Variants in RTN4R observed in about 807,000 individuals in gnomAD.
The protein encoded by RTN4R is reticulon-4 receptor.
A neutral mutation model predicts 27.7 loss-of-function variants in RTN4R; 4 were observed. The observed-to-expected ratio is 0.14, with a 90% CI of 0.07 to 0.33. RTN4R has a LOEUF of 0.33. Ranked by LOEUF, RTN4R falls within the 10% of genes least tolerant of loss-of-function variation. The pLI, the probability that RTN4R is intolerant of heterozygous loss-of-function variation, is 1.00. For missense variants in RTN4R, 554 were observed against 671.5 expected (o/e 0.83, Z 1.93); for synonymous variants, 290 against 305.6 (o/e 0.95, Z 0.53).
chr22:20,244,054 A>G (rs2051126019), intron 1 of RTN4R, among the ~76,000 whole-genome samples: 2 of 151,820 alleles, frequency 1.3e-5, no homozygotes, highest in African/African-American at 4.8e-5. Flanking sequence ...TTGAGCCCCC[A>G]CCCCTTTGGA....
intron 1 of RTN4R, among the ~76,000 whole-genome samples, chr22:20,265,974 G>A (rs1264559412): frequency 6.6e-6 from 1 of 152,226 alleles, no homozygotes; most frequent in African/African-American, 2.4e-5. Context: ...CCAGCAGGTG[G>A]CTGAGCCAGG....
intron 1 of RTN4R, among the ~76,000 whole-genome samples, chr22:20,259,662 GTTAGGGGACACTGGAGCCTCCT>G (rs1317592307): frequency 6.6e-6 from 1 of 152,186 alleles, no homozygotes; most frequent in African/African-American, 2.4e-5. Flanking sequence ...CTGGGCTTCT[GTTAGGGGACACTGGAGCCTCCT>G]CAGCCCCCAG....
In RTN4R at chr22:20,242,190, G is replaced by T. The variant is rs1159867654; in HGVS notation, c.943C>A (p.Pro315Thr). Residue 315 changes from proline to threonine, a missense_variant, in exon 2 of 2, where the codon CCT (proline) becomes ACT (threonine). Physicochemically the swap from Pro to Thr is conservative, Grantham distance 38 (BLOSUM62 -1). Transcript: ENST00000043402. ...DLQGCAVATG[P>T]YHPIWTGRAT... ...CTGCCGGTCCAGATGGGATGGTAAG[G>T]GCCGGTGGCCACAGCGCAGCCCTGC... 1 of 1,610,832 alleles carries T rather than the reference G, an allele frequency of 6.2e-7. No individual in the cohort carries two copies. Among genetic ancestry groups the T allele is most frequent in the East Asian group, 2.2e-5 (1 of 44,764 alleles).
At chr22:20,263,913 G>A (rs1257964255) in intron 1 of RTN4R, among the ~76,000 whole-genome samples, 1 of 152,262 alleles carries the variant, frequency 6.6e-6, no homozygotes, top group African/African-American at 2.4e-5. Flanking sequence ...ACCAGAGGCT[G>A]TATGAAAGAG....
intron 1 of RTN4R, among the ~76,000 whole-genome samples, chr22:20,258,345 C>T (rs773247611): frequency 4.1e-4 from 63 of 152,306 alleles, no homozygotes; most frequent in Middle Eastern, 3.4e-3. Context: ...CCTAAGGAGG[C>T]TGGCCCCTTC....
chr22:20,265,579 G>C (rs1203919175), intron 1 of RTN4R, among the ~76,000 whole-genome samples: 1 of 152,220 alleles, frequency 6.6e-6, no homozygotes, highest in Non-Finnish European at 1.5e-5. Context: ...CCCAGGTGAG[G>C]AACAGGGGGA....
chr22:20,256,583 CT>C (rs894509693), intron 1 of RTN4R, among the ~76,000 whole-genome samples: 3 of 152,360 alleles, frequency 2.0e-5, no homozygotes, highest in Admixed American at 2.0e-4. Flanking sequence ...AGGGCAGCCC[CT>C]GGGCCAGGCC....
At chr22:20,267,829 C>A (rs577112462) in intron 1 of RTN4R, 105 of 356,172 alleles carry the variant, frequency 2.9e-4, no homozygotes, top group South Asian at 2.6e-3. Context: ...CTCGGCCCTG[C>A]CGAAGCCGTC....
chr22:20,249,722 T>C (rs1051350001), intron 1 of RTN4R, among the ~76,000 whole-genome samples: 2 of 152,172 alleles, frequency 1.3e-5, no homozygotes, highest in Non-Finnish European at 2.9e-5. Flanking sequence ...TGCATGCCGC[T>C]GCGGCAGAGG....
chr22:20,258,369 C>T (rs972270052), intron 1 of RTN4R, among the ~76,000 whole-genome samples: 6 of 152,234 alleles, frequency 3.9e-5, no homozygotes, highest in African/African-American at 1.4e-4. Flanking sequence ...ATCCCTTCCT[C>T]GTCTGCACCA....
Position 20,242,682 on chromosome 22 carries a change from G to T in RTN4R, c.451C>A (p.Arg151Ser), listed in dbSNP as rs145836501. 45 of 1,612,426 alleles carry T rather than the reference G, an allele frequency of 2.8e-5. No homozygotes were observed. In the African/African-American group the frequency reaches 5.6e-4, roughly 20 times the overall value. The change falls in exon 2 of 2, where the codon CGC becomes AGC. Residue 151 changes from arginine to serine, a missense_variant. Coordinates refer to ENST00000043402, the MANE Select transcript of RTN4R (RefSeq NM_023004.6). ...GLQELGPGLF[R>S]GLAALQYLYL... is the part of the protein sequence containing the mutation. Reference sequence around the variant, plus strand: ...AGGTACTGCAGGGCAGCCAGGCCGCGGAACAGCCCCGGGCCCAGCTCCTGC... The same window carrying T: ...AGGTACTGCAGGGCAGCCAGGCCGCTGAACAGCCCCGGGCCCAGCTCCTGC...
Position 20,242,496 on chromosome 22 carries a change from G to C in RTN4R, c.637C>G (p.Arg213Gly). ...GCATGCGGGTGCACATGGGCCACGCGGTTCTGGTGCAGTAGGAGACGGTCG... is the reference window on the plus strand; with the variant it reads ...GCATGCGGGTGCACATGGGCCACGCCGTTCTGGTGCAGTAGGAGACGGTCG... ...SLDRLLLHQN[R>G]VAHVHPHAFR... Residue 213 changes from arginine (R) to glycine (G), a missense_variant, in exon 2 of 2, where the codon CGC becomes GGC. Around this residue, in one of 2 missense-constraint regions of RTN4R, gnomAD observed 413 missense variants for 542.3 expected, o/e 0.76. Transcript: ENST00000043402. The C allele has an allele frequency of 1.9e-6, 3 of 1,613,772 alleles. No homozygotes were observed. Among genetic ancestry groups the C allele is most frequent in the Non-Finnish European group, 2.5e-6 (3 of 1,179,992 alleles).
At chr22:20,244,233 G>A (rs1340670641) in intron 1 of RTN4R, among the ~76,000 whole-genome samples, 2 of 152,256 alleles carry the variant, frequency 1.3e-5, no homozygotes, top group East Asian at 1.9e-4. Context: ...ACATGAGGCC[G>A]GCTAAGTGCT....
chr22:20,261,003 C>A (rs1029999911), intron 1 of RTN4R, among the ~76,000 whole-genome samples: 2 of 152,216 alleles, frequency 1.3e-5, no homozygotes, highest in African/African-American at 4.8e-5. Context: ...GCCCCACTGT[C>A]ATTTGGGCTC....
At position 20,241,665 on chromosome 22, in the gene RTN4R, T is replaced by G; in HGVS notation, c.*46A>C. ...TGGCGGCGTGGAGAGAGACCCCGTA[T>G]GTACACACACCTGGCTGCTGAGCAC... On this transcript the variant is annotated 3_prime_UTR_variant, in exon 2 of 2. Coordinates refer to ENST00000043402, the MANE Select transcript of RTN4R (RefSeq NM_023004.6). 1 of 1,545,462 alleles carries G rather than the reference T, an allele frequency of 6.5e-7. No homozygotes were observed.
At chr22:20,257,669 A>G (rs568243199) in intron 1 of RTN4R, among the ~76,000 whole-genome samples, 1 of 152,350 alleles carries the variant, frequency 6.6e-6, no homozygotes, top group African/African-American at 2.4e-5. Context: ...TGATCAGACT[A>G]ATACAACTTC....
intron 1 of RTN4R, chr22:20,267,771 C>T (rs1233329225): frequency 2.4e-6 from 1 of 410,782 alleles, no homozygotes. Flanking sequence ...CAGCCCACGG[C>T]CCCCGCCCTC....
At chr22:20,266,440 C>T (rs1485523279) in intron 1 of RTN4R, among the ~76,000 whole-genome samples, 2 of 152,260 alleles carry the variant, frequency 1.3e-5, no homozygotes, top group East Asian at 3.8e-4. Flanking sequence ...CACAGAACCC[C>T]TCACCAAGAA....
At chr22:20,256,545 G>A (rs2051213050) in intron 1 of RTN4R, among the ~76,000 whole-genome samples, 2 of 152,340 alleles carry the variant, frequency 1.3e-5, no homozygotes, top group East Asian at 1.9e-4. Context: ...CAGCCTCACA[G>A]AGGAGGGTTC....
Sources: gnomAD v4.1 joint callset for allele counts (sites outside exome capture counted in the v4.1 genomes callset) on GRCh38, gnomAD v4.1.1 for gene constraint, gnomAD v4.1.1 regional missense constraint, MANE v1.5 for transcripts, NCBI Gene and HGNC (gene_info 2026-07-23, HGNC 2026-07-21) for gene names.